Variants in C12orf42 observed in about 807,000 individuals in gnomAD.
The protein encoded by C12orf42 is chromosome 12 open reading frame 42.
A neutral mutation model predicts 21.6 loss-of-function variants in C12orf42; 25 were observed. The observed-to-expected ratio is 1.16, with a 90% CI of 0.84 to 1.62. The LOEUF is 1.62. C12orf42 is among the 40% of genes most tolerant of loss of function. The pLI is 0.00. For synonymous variants in C12orf42, 174 were observed against 175.0 expected (o/e 0.99, Z 0.05); for missense variants, 483 against 459.3 (o/e 1.05, Z -0.47).
intron 4 of C12orf42, among the ~76,000 whole-genome samples, chr12:103,359,495 A>AAT (rs61509364): frequency 0.036 from 5,417 of 151,742 alleles, 287 homozygotes; most frequent in African/African-American, 0.12. Flanking sequence ...AAGGACTATG[A>AAT]ATATATATAT....
chr12:103,549,988 A>G, the C12orf42 span, among the ~76,000 whole-genome samples: 5 of 152,174 alleles, frequency 3.3e-5, no homozygotes, highest in Non-Finnish European at 7.4e-5. Flanking sequence ...AAAATGGTAA[A>G]GTTCCCTGTC....
the C12orf42 span, among the ~76,000 whole-genome samples, chr12:103,208,508 C>T: frequency 3.3e-5 from 5 of 152,122 alleles, no homozygotes; most frequent in African/African-American, 1.2e-4. Context: ...TGTTTTTACA[C>T]TGTTGACTAA....
At chr12:103,144,397 C>A in the C12orf42 span, among the ~76,000 whole-genome samples, 1 of 152,206 alleles carries the variant, frequency 6.6e-6, no homozygotes, top group African/African-American at 2.4e-5. Context: ...TACTTGCAGT[C>A]ACCTTAGCAA....
At position 103,491,490 on chromosome 12, in the gene C12orf42, C is replaced by T. The variant is rs114465692; in HGVS notation, c.-22+4412G>A. Among the ~76,000 whole-genome samples, 539 of 152,286 alleles carry T rather than the reference C, an allele frequency of 3.5e-3. 6 individuals are homozygous for T. Among genetic ancestry groups the T allele is most frequent in the African/African-American group, 0.012 (504 of 41,552 alleles). On this transcript the variant is annotated intron_variant, in intron 1 of 5. Transcript: ENST00000548883. Reference sequence around the variant, plus strand: ...GATAATTGGCGAGATTAAAGAAAGCCTTATATCTAATGGACCAAATTTAGC... The same window carrying T: ...GATAATTGGCGAGATTAAAGAAAGCTTTATATCTAATGGACCAAATTTAGC...
chr12:103,087,042 T>C, the C12orf42 span, among the ~76,000 whole-genome samples: 1 of 152,228 alleles, frequency 6.6e-6, no homozygotes, highest in Non-Finnish European at 1.5e-5. Flanking sequence ...TAGTAATTAA[T>C]CAAAACCTAT....
chr12:103,086,823 T>C, the C12orf42 span, among the ~76,000 whole-genome samples: 25 of 152,074 alleles, frequency 1.6e-4, no homozygotes, highest in South Asian at 2.3e-3. Flanking sequence ...CTCCAAGAAA[T>C]CACGTTTTCT....
intron 4 of C12orf42, among the ~76,000 whole-genome samples, chr12:103,366,207 G>C (rs1371901952): frequency 6.6e-6 from 1 of 151,866 alleles, no homozygotes; most frequent in Non-Finnish European, 1.5e-5. Context: ...AAAACATAAA[G>C]TGAGGAAAGG....
At chr12:103,137,989 A>G in the C12orf42 span, among the ~76,000 whole-genome samples, 1 of 152,148 alleles carries the variant, frequency 6.6e-6, no homozygotes, top group Non-Finnish European at 1.5e-5. Flanking sequence ...ACAACAATGT[A>G]TTGTATATTT....
the C12orf42 span, among the ~76,000 whole-genome samples, chr12:103,218,983 G>A: frequency 6.6e-6 from 1 of 152,188 alleles, no homozygotes; most frequent in East Asian, 1.9e-4. Context: ...ACAAAACTGG[G>A]TGGCTGTTTG....
the C12orf42 span, among the ~76,000 whole-genome samples, chr12:103,563,098 C>A: frequency 6.6e-6 from 1 of 152,132 alleles, no homozygotes; most frequent in Non-Finnish European, 1.5e-5. Context: ...TCTAGTGTAC[C>A]AAGTTTGTGC....
At chr12:103,220,994 C>T in the C12orf42 span, among the ~76,000 whole-genome samples, 1 of 152,314 alleles carries the variant, frequency 6.6e-6, no homozygotes, top group Admixed American at 6.5e-5. Context: ...CCAAACAAAT[C>T]GCCAGTCAGC....
chr12:103,105,175 C>A, the C12orf42 span, among the ~76,000 whole-genome samples: 1 of 151,980 alleles, frequency 6.6e-6, no homozygotes, highest in Non-Finnish European at 1.5e-5. Flanking sequence ...GAAGAAAATA[C>A]ATATAATGAT....
intron 10 of C12orf42, among the ~76,000 whole-genome samples, chr12:103,242,965 A>G (rs2033826078): frequency 6.6e-6 from 1 of 152,098 alleles, no homozygotes; most frequent in Admixed American, 6.6e-5. Context: ...TATTGTCATG[A>G]CTATTACTTT....
At chr12:103,433,006 C>G (rs1175707522) in intron 2 of C12orf42, among the ~76,000 whole-genome samples, 2 of 152,176 alleles carry the variant, frequency 1.3e-5, no homozygotes, top group African/African-American at 4.8e-5. Context: ...AAAGAAAAAG[C>G]AACCCGAAGC....
At chr12:103,435,809 C>A (rs974154885) in intron 2 of C12orf42, among the ~76,000 whole-genome samples, 1 of 152,056 alleles carries the variant, frequency 6.6e-6, no homozygotes, top group African/African-American at 2.4e-5. Flanking sequence ...AGAATGGAAC[C>A]AAGTTGGAAA....
chr12:103,064,356 G>A, the C12orf42 span, among the ~76,000 whole-genome samples: 2 of 152,174 alleles, frequency 1.3e-5, no homozygotes, highest in African/African-American at 2.4e-5. Flanking sequence ...AGCCAAGGTG[G>A]TTGTAGCTAC....
intron 4 of C12orf42, among the ~76,000 whole-genome samples, chr12:103,285,546 T>A (rs2036391169): frequency 6.6e-6 from 1 of 152,198 alleles, no homozygotes; most frequent in Non-Finnish European, 1.5e-5. Context: ...TGTTTAATGA[T>A]AAGGAAGAAG....
chr12:103,125,466 A>G, the C12orf42 span, among the ~76,000 whole-genome samples: 2 of 152,132 alleles, frequency 1.3e-5, no homozygotes, highest in East Asian at 1.9e-4. Flanking sequence ...TGCACAATAT[A>G]TAAGTAGAGA....
downstream of C12orf42, among the ~76,000 whole-genome samples, chr12:103,234,906 C>T (rs559033187): frequency 5.8e-4 from 88 of 152,144 alleles, no homozygotes; most frequent in African/African-American, 2.0e-3. Context: ...AATACCTTGA[C>T]GTCTGGAAAT....
Sources: allele counts gnomAD v4.1 joint callset (sites outside exome capture counted in the v4.1 genomes callset), GRCh38; gene constraint gnomAD v4.1.1; transcripts MANE v1.5; gene names NCBI Gene and HGNC (gene_info 2026-07-23, HGNC 2026-07-21).